Variants in PCDHA3 observed in about 807,000 individuals in gnomAD.
PCDHA3 encodes protocadherin alpha-3.
In PCDHA3, 41 loss-of-function variants were observed where a neutral mutation model predicts 62.2. The observed-to-expected ratio is 0.66, with a 90% CI of 0.51 to 0.86. The LOEUF (loss-of-function observed/expected upper bound fraction) is 0.86. PCDHA3 is among the 40% of genes least tolerant of loss of function. The pLI is 0.00. For synonymous variants in PCDHA3, 640 were observed against 555.4 expected, an observed-to-expected ratio of 1.15 and a Z score of -2.14; for missense variants, 1,304 against 1,241.2, an observed-to-expected ratio of 1.05 and a Z score of -0.76.
At chr5:140,876,775 C>A (rs373638459) in intron 1 of PCDHA3, 3 of 1,614,130 alleles carry the variant, frequency 1.9e-6, no homozygotes, top group Non-Finnish European at 1.7e-6. Flanking sequence ...CTCGCCTTCG[C>A]TGTGGGCCAC....
intron 1 of PCDHA3, chr5:140,876,327 G>T: frequency 6.2e-7 from 1 of 1,614,026 alleles, no homozygotes. Flanking sequence ...AAATGATTTT[G>T]CCAGTGAGTG....
At chr5:140,808,474 C>A in intron 1 of PCDHA3, 5 of 1,614,152 alleles carry the variant, frequency 3.1e-6, no homozygotes, top group Non-Finnish European at 4.2e-6. Flanking sequence ...CCGCGCGAGA[C>A]GGGGGCTCGC....
At chr5:140,884,471 G>A (rs2060197778) in intron 1 of PCDHA3, 1 of 1,613,802 alleles carries the variant, frequency 6.2e-7, no homozygotes, top group Non-Finnish European at 8.5e-7. Flanking sequence ...GTGCGCGCCG[G>A]GCAAGCCCAC....
intron 1 of PCDHA3, among the ~76,000 whole-genome samples, chr5:140,932,571 A>G (rs1308740705): frequency 1.3e-5 from 2 of 151,926 alleles, no homozygotes; most frequent in African/African-American, 4.8e-5. Context: ...AGACTTTCCC[A>G]TAGGGTAATT....
At chr5:140,874,672 C>A (rs2055057233) in intron 1 of PCDHA3, among the ~76,000 whole-genome samples, 1 of 152,126 alleles carries the variant, frequency 6.6e-6, no homozygotes, top group South Asian at 2.1e-4. Flanking sequence ...GAATCTATTC[C>A]TGAGATTTGT....
At chr5:140,969,464 C>T in intron 1 of PCDHA3, 2 of 1,491,562 alleles carry the variant, frequency 1.3e-6, no homozygotes, top group South Asian at 2.7e-5. Context: ...ATATAGTATC[C>T]ACAATTTGAT....
At chr5:140,835,476 C>T in intron 1 of PCDHA3, 3 of 1,613,922 alleles carry the variant, frequency 1.9e-6, no homozygotes, top group Non-Finnish European at 2.5e-6. Flanking sequence ...GGACGCCCAA[C>T]CAGGTACCGT....
chr5:140,854,281 A>C, intron 1 of PCDHA3: 2 of 533,292 alleles, frequency 3.8e-6, no homozygotes, highest in Non-Finnish European at 4.8e-6. Context: ...AATTGAGTTT[A>C]GTTTTTATTA....
intron 3 of PCDHA3, among the ~76,000 whole-genome samples, chr5:140,984,328 G>A (rs1221209076): frequency 3.3e-5 from 5 of 152,156 alleles, no homozygotes; most frequent in African/African-American, 1.2e-4. Context: ...GGCAAATGTG[G>A]AATAGGAACC....
rs1465056587 is a variant in PCDHA3, at chr5:140,851,176, T to G, written c.2394+47585T>G. The G allele has an allele frequency of 9.5e-6, 12 of 1,259,426 alleles. 2 individuals carry two copies. Among genetic ancestry groups the G allele is most frequent in the Non-Finnish European group, 1.2e-5 (12 of 979,742 alleles). The allele number at this position is 1,259,426 out of a possible 1,614,324, so 78.0% of individuals were successfully genotyped here. A position where few individuals can be genotyped will look rare whatever the true frequency, so the allele number is the denominator to read the frequency against. Reference sequence around the variant, plus strand: ...TCTGATGCTATGCTGCCATAACACTTGAAAACCAATTTAGTTGTTAGTCAT... The same window carrying G: ...TCTGATGCTATGCTGCCATAACACTGGAAAACCAATTTAGTTGTTAGTCAT... On this transcript the variant is annotated intron_variant, in intron 1 of 3. Coordinates refer to ENST00000522353, the MANE Select transcript of PCDHA3 (RefSeq NM_018906.3).
intron 1 of PCDHA3, chr5:140,808,975 G>T: frequency 2.5e-6 from 4 of 1,613,626 alleles, no homozygotes; most frequent in Non-Finnish European, 3.4e-6. Context: ...AGGTGCGCGC[G>T]GTGGATGCTG....
At chr5:140,882,180 AG>A (rs2058993159) in intron 1 of PCDHA3, 1 of 1,518,026 alleles carries the variant, frequency 6.6e-7, no homozygotes. Flanking sequence ...CTTCCGCACT[AG>A]GAAGCCATAA....
intron 1 of PCDHA3, chr5:140,856,935 A>C: frequency 6.3e-7 from 1 of 1,594,236 alleles, no homozygotes; most frequent in South Asian, 1.1e-5. Flanking sequence ...TGGATAAACG[A>C]AAGGACGGGA....
At chr5:140,869,418 C>G in intron 1 of PCDHA3, 1 of 1,614,174 alleles carries the variant, frequency 6.2e-7, no homozygotes, top group Non-Finnish European at 8.5e-7. Flanking sequence ...GCAGCATCCA[C>G]CTGGAGGTGA....
At chr5:140,871,802 T>G (rs2053316499) in intron 1 of PCDHA3, among the ~76,000 whole-genome samples, 1 of 152,178 alleles carries the variant, frequency 6.6e-6, no homozygotes, top group South Asian at 2.1e-4. Context: ...TAATTACTAT[T>G]TTCACTAAAG....
intron 1 of PCDHA3, chr5:140,856,936 A>C: frequency 6.3e-7 from 1 of 1,594,202 alleles, no homozygotes. Flanking sequence ...GGATAAACGA[A>C]AGGACGGGAG....
At chr5:140,915,259 T>A (rs1344301014) in intron 1 of PCDHA3, among the ~76,000 whole-genome samples, 2 of 152,182 alleles carry the variant, frequency 1.3e-5, no homozygotes, top group African/African-American at 2.4e-5. Flanking sequence ...GTTGTTATTA[T>A]TTTTGACCAG....
Position 141,010,042 on chromosome 5 carries a change from TAGAGACCTCAG to T in PCDHA3, c.*107_*117del. ...TTTTTCCTATCTACATGAGCCCTCTTAGAGACCTCAGAAATCTGCAGAAAGTTCCCTGTGTC... is the reference window on the plus strand; with the variant it reads ...TTTTTCCTATCTACATGAGCCCTCTTAAATCTGCAGAAAGTTCCCTGTGTC... On this transcript the variant is annotated 3_prime_UTR_variant, in exon 4 of 4. Transcript: ENST00000522353. 6.3e-7 allele frequency: 1 copy of T among 1,594,374 alleles called. No individual in the cohort carries two copies. The highest frequency in any genetic ancestry group is 1.2e-5 in the South Asian group (1 of 86,942).
At chr5:140,808,445 G>T (rs1219099901) in intron 1 of PCDHA3, 1 of 1,614,212 alleles carries the variant, frequency 6.2e-7, no homozygotes, top group East Asian at 2.2e-5. Flanking sequence ...GAGCGTGTCA[G>T]CCTATGAGCT....
Sources: allele counts gnomAD v4.1 joint callset (sites outside exome capture counted in the v4.1 genomes callset), GRCh38; gene constraint gnomAD v4.1.1; transcripts MANE v1.5; gene names NCBI Gene and HGNC (gene_info 2026-07-23, HGNC 2026-07-21).